GRIK3: variants seen among roughly 807,000 people sequenced by gnomAD.
GRIK3 encodes the protein glutamate ionotropic receptor kainate type subunit 3.
GRIK3 carries 29 observed loss-of-function variants against 102.5 expected under a neutral mutation model. The observed-to-expected ratio is 0.28, with a 90% CI of 0.21 to 0.39. The LOEUF (loss-of-function observed/expected upper bound fraction) is 0.39, where lower values mean the gene tolerates loss of function less well. Among genes scored for constraint, GRIK3 ranks in the 10% least tolerant of loss-of-function variants. GRIK3 has a pLI of 1.00. For synonymous variants in GRIK3, 511 were observed against 504.9 expected, an observed-to-expected ratio of 1.01 and a Z score of -0.16; for missense variants, 908 against 1,252.4, an observed-to-expected ratio of 0.73 and a Z score of 4.15.
chr1:36,832,313 T>C (rs1640311732), intron 10 of GRIK3, among the ~76,000 whole-genome samples: 1 of 152,216 alleles, frequency 6.6e-6, no homozygotes, highest in South Asian at 2.1e-4. Flanking sequence ...AGTAGGATGT[T>C]GCTGGTTTAG....
intron 7 of GRIK3, among the ~76,000 whole-genome samples, chr1:36,855,013 A>G (rs1252460325): frequency 6.6e-6 from 1 of 152,210 alleles, no homozygotes; most frequent in Non-Finnish European, 1.5e-5. Flanking sequence ...GCTGGTGCAC[A>G]GTTAAATACC....
At chr1:36,876,429 G>C (rs779076084) in intron 3 of GRIK3, among the ~76,000 whole-genome samples, 2 of 152,086 alleles carry the variant, frequency 1.3e-5, no homozygotes, top group East Asian at 1.9e-4. Context: ...TGCATGCTCC[G>C]AGCTTCAGCA....
chr1:37,005,221 A>G (rs958750028), intron 1 of GRIK3, among the ~76,000 whole-genome samples: 5 of 152,124 alleles, frequency 3.3e-5, no homozygotes, highest in Non-Finnish European at 7.4e-5. Flanking sequence ...GCCAGATGCC[A>G]GCCTCTTTGG....
intron 1 of GRIK3, among the ~76,000 whole-genome samples, chr1:36,916,455 G>A (rs1641401706): frequency 6.6e-6 from 1 of 152,180 alleles, no homozygotes; most frequent in African/African-American, 2.4e-5. Flanking sequence ...TGGGGAAAAT[G>A]TCTCCAGGGA....
At chr1:36,939,462 A>G (rs1220720003) in intron 1 of GRIK3, among the ~76,000 whole-genome samples, 1 of 152,238 alleles carries the variant, frequency 6.6e-6, no homozygotes, top group Non-Finnish European at 1.5e-5. Context: ...TGGGACTAGA[A>G]CTGCATGCAG....
At chr1:36,862,052 G>A (rs1467461306) in intron 5 of GRIK3, among the ~76,000 whole-genome samples, 2 of 152,178 alleles carry the variant, frequency 1.3e-5, no homozygotes, top group Non-Finnish European at 2.9e-5. Flanking sequence ...GATGAGAAAA[G>A]AGAGTTGGAG....
intron 10 of GRIK3, among the ~76,000 whole-genome samples, chr1:36,833,117 G>C (rs1363314351): frequency 6.6e-6 from 1 of 152,116 alleles, no homozygotes; most frequent in Non-Finnish European, 1.5e-5. Context: ...ACAATGTAGG[G>C]GCTCAATCAA....
At chr1:37,010,125 A>C (rs560017268) in intron 1 of GRIK3, among the ~76,000 whole-genome samples, 1 of 152,270 alleles carries the variant, frequency 6.6e-6, no homozygotes, top group Non-Finnish European at 1.5e-5. Context: ...CAGGAGAAAA[A>C]GATCCACAGA....
chr1:37,002,243 A>G (rs1642485545), intron 1 of GRIK3, among the ~76,000 whole-genome samples: 1 of 152,214 alleles, frequency 6.6e-6, no homozygotes, highest in Non-Finnish European at 1.5e-5. Context: ...AATTAGATTT[A>G]CTGGGGGCAT....
chr1:36,864,674 G>A (rs1418945620), intron 5 of GRIK3, among the ~76,000 whole-genome samples: 1 of 152,184 alleles, frequency 6.6e-6, no homozygotes, highest in Non-Finnish European at 1.5e-5. Flanking sequence ...GCCCGGGAGG[G>A]GGCAGGTTGG....
At chr1:37,029,651 CG>C (rs1642800116) in intron 1 of GRIK3, among the ~76,000 whole-genome samples, 1 of 152,218 alleles carries the variant, frequency 6.6e-6, no homozygotes, top group Non-Finnish European at 1.5e-5. Context: ...CCACAGCCCA[CG>C]GGGGCATCTG....
chr1:37,010,087 C>T (rs1180557924), intron 1 of GRIK3, among the ~76,000 whole-genome samples: 1 of 152,112 alleles, frequency 6.6e-6, no homozygotes, highest in African/African-American at 2.4e-5. Flanking sequence ...AAGCACGGGG[C>T]ACTTGGAACA....
intron 1 of GRIK3, among the ~76,000 whole-genome samples, chr1:36,979,616 C>A (rs1298295329): frequency 6.6e-6 from 1 of 152,236 alleles, no homozygotes; most frequent in Non-Finnish European, 1.5e-5. Flanking sequence ...AGAAAAACAA[C>A]CTATGACCTG....
chr1:36,931,680 T>C (rs1285711499), intron 1 of GRIK3, among the ~76,000 whole-genome samples: 1 of 152,212 alleles, frequency 6.6e-6, no homozygotes, highest in African/African-American at 2.4e-5. Flanking sequence ...TGGAGACATC[T>C]GGAGGAGAGT....
intron 3 of GRIK3, among the ~76,000 whole-genome samples, chr1:36,876,245 T>C (rs796664508): frequency 2.6e-5 from 4 of 152,244 alleles, no homozygotes; most frequent in African/African-American, 9.6e-5. Context: ...GGGTTCCAGC[T>C]ACTTGGGAGG....
intron 1 of GRIK3, among the ~76,000 whole-genome samples, chr1:36,902,613 A>G (rs1641243931): frequency 6.6e-6 from 1 of 152,216 alleles, no homozygotes; most frequent in African/African-American, 2.4e-5. Flanking sequence ...ACAATGCAAA[A>G]CTATAAATTG....
chr1:37,033,213 C>T (rs1292760275), intron 1 of GRIK3, among the ~76,000 whole-genome samples: 3 of 152,214 alleles, frequency 2.0e-5, no homozygotes, highest in Admixed American at 6.5e-5. Context: ...AAGCCGGAGC[C>T]CCGGAAAGCC....
chr1:36,932,732 T>C (rs1557430166), intron 1 of GRIK3, among the ~76,000 whole-genome samples: 2 of 152,214 alleles, frequency 1.3e-5, no homozygotes, highest in Non-Finnish European at 1.5e-5. Context: ...TCTTTCATTC[T>C]CTACATTTTT....
Position 36,801,892 on chromosome 1 carries a change from T to A in GRIK3, c.2719A>T (p.Ser907Cys). The change falls in exon 16 of 16, where the codon AGC becomes TGC. Residue 907 changes from serine to cysteine, a missense_variant. Physicochemically the swap from Ser to Cys is moderately radical, Grantham distance 112 (BLOSUM62 -1). This residue lies in a region of GRIK3 where 297 missense variants were observed against 362.7 expected (regional missense o/e 0.82). Transcript: ENST00000373091. ...GCTAAGGATGTGCTGCAGGCCATGC[T>A]GTCCTTGCCGGGAAGCCGGCGGTCA... The part of the protein sequence containing the change: ...FNDRRLPGKD[S>C]MACSTSLAPV... The A allele has an allele frequency of 6.2e-7, 1 of 1,613,110 alleles. No homozygotes were observed.
Sources: allele counts gnomAD v4.1 joint callset (sites outside exome capture counted in the v4.1 genomes callset), GRCh38; gene constraint gnomAD v4.1.1; regional missense constraint gnomAD v4.1.1; transcripts MANE v1.5; gene names NCBI Gene and HGNC (gene_info 2026-07-23, HGNC 2026-07-21).